NT5M: variants seen among roughly 807,000 people sequenced by gnomAD.
NT5M encodes the protein 5',3'-nucleotidase, mitochondrial.
NT5M carries 22 observed loss-of-function variants against 22.2 expected under a neutral mutation model. The ratio of observed to expected loss-of-function variants is 0.99; its 90% CI spans 0.71 to 1.41. NT5M has a LOEUF of 1.41. Ranked by LOEUF, NT5M falls within the 40% of genes most tolerant of loss-of-function variation. The pLI is 0.00. For synonymous variants in NT5M, 167 were observed against 133.0 expected, an observed-to-expected ratio of 1.26 and a Z score of -1.76; for missense variants, 322 against 314.8, an observed-to-expected ratio of 1.02 and a Z score of -0.17.
At chr17:17,320,465 A>G (rs915981764) in intron 2 of NT5M, among the ~76,000 whole-genome samples, 1 of 152,078 alleles carries the variant, frequency 6.6e-6, no homozygotes, top group Non-Finnish European at 1.5e-5. Context: ...AAGGTAGGAA[A>G]AATAGGTGAT....
At chr17:17,313,016 T>C (rs2048952249) in intron 2 of NT5M, among the ~76,000 whole-genome samples, 1 of 152,046 alleles carries the variant, frequency 6.6e-6, no homozygotes, top group Non-Finnish European at 1.5e-5. Context: ...ACACCTGTAA[T>C]CCCAGCACTT....
chr17:17,309,754 G>T (rs1302545431), intron 2 of NT5M, among the ~76,000 whole-genome samples: 1 of 145,090 alleles, frequency 6.9e-6, no homozygotes, highest in African/African-American at 2.6e-5. Context: ...TTCTTCATAT[G>T]ACACAAAAAT....
chr17:17,310,401 G>A (rs560181576), intron 2 of NT5M, among the ~76,000 whole-genome samples: 1 of 152,128 alleles, frequency 6.6e-6, no homozygotes, highest in South Asian at 2.1e-4. Flanking sequence ...AAAATGTAGT[G>A]TTATACCCAA....
intron 3 of NT5M, among the ~76,000 whole-genome samples, chr17:17,337,595 G>A (rs574790826): frequency 6.6e-6 from 1 of 151,928 alleles, no homozygotes; most frequent in African/African-American, 2.4e-5. Flanking sequence ...TGTAGAGACG[G>A]GGTCTTACTA....
At chr17:17,331,321 G>C (rs138876902) in intron 3 of NT5M, among the ~76,000 whole-genome samples, 3 of 151,434 alleles carry the variant, frequency 2.0e-5, no homozygotes, top group Non-Finnish European at 4.4e-5. Context: ...CATGCTAATT[G>C]GCATGGGGTT....
chr17:17,310,770 G>C (rs561099678), intron 2 of NT5M, among the ~76,000 whole-genome samples: 6 of 130,432 alleles, frequency 4.6e-5, no homozygotes, highest in Non-Finnish European at 9.7e-5. Context: ...CCTCAGGGGG[G>C]TGGAGAGAGT....
At chr17:17,304,439 G>C (rs1487957350) in intron 1 of NT5M, 6 of 985,146 alleles carry the variant, frequency 6.1e-6, no homozygotes, top group Non-Finnish European at 7.2e-6. Context: ...ATGGATAGAG[G>C]GGAAAGATCC....
At position 17,331,811 on chromosome 17, in the gene NT5M, C is replaced by T. The variant is rs574558164; in HGVS notation, c.429+8566C>T. ...TCTTTTTTTTTTTGAGATGGAGTCT[C>T]GCTGTGTCACCTAAGCTGGAGTGCA... On this transcript the variant is annotated intron_variant, in intron 3 of 4. Coordinates refer to ENST00000389022, the MANE Select transcript of NT5M (RefSeq NM_020201.4). Among the ~76,000 whole-genome samples the T allele has an allele frequency of 3.5e-4, 52 of 150,272 alleles. No homozygotes were observed. In the East Asian group the frequency reaches 6.0e-3, roughly 17 times the overall value.
chr17:17,342,682 C>A (rs2049670364), intron 3 of NT5M, among the ~76,000 whole-genome samples: 1 of 152,226 alleles, frequency 6.6e-6, no homozygotes, highest in African/African-American at 2.4e-5. Context: ...TTGTTTTTCC[C>A]TCTGCCTGGA....
intron 2 of NT5M, among the ~76,000 whole-genome samples, chr17:17,322,826 T>G (rs2049178989): frequency 1.3e-5 from 2 of 152,224 alleles, no homozygotes; most frequent in Admixed American, 1.3e-4. Flanking sequence ...ACTGCAGGGC[T>G]TAGCCTGGCA....
chr17:17,316,369 T>TTTTA (rs36146846), intron 2 of NT5M, among the ~76,000 whole-genome samples: 89,212 of 147,128 alleles, frequency 0.61, 28,300 homozygotes, highest in East Asian at 0.78. Flanking sequence ...TAACTTAGGT[T>TTTTA]TTTATTTATT....
At position 17,320,706 on chromosome 17, in the gene NT5M, A is replaced by T. The variant is rs186559176; in HGVS notation, c.369-2479A>T. Among the ~76,000 whole-genome samples the T allele has an allele frequency of 1.8e-3, 277 of 152,268 alleles. 1 individual carries two copies. Among genetic ancestry groups the T allele is most frequent in the African/African-American group, 6.4e-3 (267 of 41,570 alleles). On this transcript the variant is annotated intron_variant, in intron 2 of 4. Coordinates refer to ENST00000389022, the MANE Select transcript of NT5M (RefSeq NM_020201.4). ...CACATGGTGTTTAAAGCAGGAGTGC[A>T]GGCTGAGAGCCCCCGAGGGCCTAGA...
chr17:17,330,518 G>A (rs1202225444), intron 3 of NT5M, among the ~76,000 whole-genome samples: 1 of 151,526 alleles, frequency 6.6e-6, no homozygotes, highest in Non-Finnish European at 1.5e-5. Flanking sequence ...TGGGATTACA[G>A]GCATCTGCCA....
chr17:17,325,654 C>T (rs1276966583), intron 3 of NT5M, among the ~76,000 whole-genome samples: 3 of 152,162 alleles, frequency 2.0e-5, no homozygotes, highest in Admixed American at 6.5e-5. Flanking sequence ...TGACTTGAAA[C>T]CTCTGAATAG....
intron 3 of NT5M, among the ~76,000 whole-genome samples, chr17:17,338,154 G>A (rs1449892909): frequency 2.0e-5 from 3 of 151,212 alleles, no homozygotes. Context: ...TCAAAAATGA[G>A]TTCAAGGTAG....
chr17:17,306,828 G>T (rs1423018207), intron 2 of NT5M, among the ~76,000 whole-genome samples, 185 bp downstream of exon 2: 1 of 152,222 alleles, frequency 6.6e-6, no homozygotes, highest in Non-Finnish European at 1.5e-5. Flanking sequence ...TCGGTTTGTA[G>T]GCTGTGATGT....
chr17:17,304,918 G>A (rs16961516), intron 1 of NT5M, among the ~76,000 whole-genome samples: 14,598 of 152,162 alleles, frequency 0.096, 1,311 homozygotes, highest in African/African-American at 0.23. Context: ...ACCAAGTACC[G>A]TTTGTCTCCA....
intron 3 of NT5M, among the ~76,000 whole-genome samples, chr17:17,335,502 C>T (rs1340651360): frequency 6.6e-6 from 1 of 152,052 alleles, no homozygotes; most frequent in Non-Finnish European, 1.5e-5. Flanking sequence ...TTATGAGGTA[C>T]ATTAGATGTT....
chr17:17,325,640 C>A (rs11078384), intron 3 of NT5M, among the ~76,000 whole-genome samples: 65,682 of 151,992 alleles, frequency 0.43, 15,827 homozygotes, highest in East Asian at 0.78. Flanking sequence ...ATCATGGCAG[C>A]TCCTGACTTG....
Sources: allele counts gnomAD v4.1 joint callset (sites outside exome capture counted in the v4.1 genomes callset), GRCh38; gene constraint gnomAD v4.1.1; transcripts MANE v1.5; gene names NCBI Gene and HGNC (gene_info 2026-07-23, HGNC 2026-07-21).